Variants in DBF4B observed in about 807,000 individuals in gnomAD.
DBF4B encodes DBF4B-CDC7 kinase regulatory subunit, also known as protein DBF4 homolog B.
DBF4B carries 49 observed loss-of-function variants against 53.4 expected under a neutral mutation model. The ratio of observed to expected loss-of-function variants is 0.92; its 90% CI spans 0.73 to 1.16. The LOEUF (loss-of-function observed/expected upper bound fraction) is 1.16, where lower values mean the gene tolerates loss of function less well. Among genes scored for constraint, DBF4B ranks in the 50% most tolerant of loss-of-function variants. The pLI, the probability that DBF4B is intolerant of heterozygous loss-of-function variation, is 0.00. For missense variants in DBF4B, 692 were observed against 775.0 expected (o/e 0.89, Z 1.27); for synonymous variants, 257 against 288.7 (o/e 0.89, Z 1.11).
chr17:44,732,236 C>G lies in DBF4B; in HGVS notation c.527C>G (p.Ser176Cys). 2 of 1,614,114 alleles carry G rather than the reference C, an allele frequency of 1.2e-6. No homozygotes were observed. The highest frequency in any genetic ancestry group is 1.7e-6 in the Non-Finnish European group (2 of 1,180,010). The change falls in exon 6 of 14, where the codon TCT becomes TGT. Residue 176 changes from serine (S) to cysteine (C), a missense_variant. Ser to Cys is a moderately radical substitution (Grantham distance 112). Coordinates refer to ENST00000315005, the MANE Select transcript of DBF4B (RefSeq NM_145663.3). Reference sequence around the variant, plus strand: ...AGCAGCCTCCTGACCAATGCCCGCTCTTGGGGAGTGAGGATTCTGCACGTG... The same window carrying G: ...AGCAGCCTCCTGACCAATGCCCGCTGTTGGGGAGTGAGGATTCTGCACGTG... The part of the protein sequence containing the change: ...GSSSLLTNAR[S>C]WGVRILHVDE...
In DBF4B at chr17:44,739,067, A is replaced by G. The variant is rs542042405; in HGVS notation, c.713+643A>G. On this transcript the variant is annotated intron_variant, in intron 9 of 13. Coordinates refer to ENST00000315005, the MANE Select transcript of DBF4B (RefSeq NM_145663.3). ...TAATAAATTGCAGCCTAAGGCTAGA[A>G]TCCAGGTGTCCTGCCTACCCTGTCT... Among the ~76,000 whole-genome samples, 18 of 152,238 alleles carry G rather than the reference A, an allele frequency of 1.2e-4. No individual in the cohort carries two copies. The East Asian group carries it at 3.5e-3, about 29-fold the overall frequency.
At chr17:44,723,595 TAA>T (rs1974041634) in intron 3 of DBF4B, among the ~76,000 whole-genome samples, 1 of 151,778 alleles carries the variant, frequency 6.6e-6, no homozygotes, top group Admixed American at 6.6e-5. Flanking sequence ...CTGTCTCTAC[TAA>T]AAATAATGAA....
At chr17:44,708,895 G>A (rs1168201350) in intron 1 of DBF4B, 56 bp downstream of exon 1, 1 of 1,546,612 alleles carries the variant, frequency 6.5e-7, no homozygotes, top group Non-Finnish European at 8.7e-7. Context: ...AATAGCTGAG[G>A]CGAGGTGCGG....
chr17:44,747,447 A>G lies in DBF4B; in HGVS notation c.996A>G (p.Glu332=). ...CCCTGGAAGCCCATCTATATGCAGA[A>G]GTGGACAGGATCATTGCTCAGCTCA... The part of the protein sequence containing the change: ...SFALEAHLYA[E]VDRIIAQLSH... The change falls in exon 12 of 14, where the codon GAA becomes GAG. Residue 332 remains glutamate (E), a synonymous_variant. Coordinates refer to ENST00000315005, the MANE Select transcript of DBF4B (RefSeq NM_145663.3). 1 of 1,614,160 alleles carries G rather than the reference A, an allele frequency of 6.2e-7. No individual in the cohort carries two copies. Among genetic ancestry groups the G allele is most frequent in the Non-Finnish European group, 8.5e-7 (1 of 1,180,048 alleles).
chr17:44,744,750 T>C (rs1000818499), intron 10 of DBF4B, among the ~76,000 whole-genome samples: 3 of 152,194 alleles, frequency 2.0e-5, no homozygotes, highest in Non-Finnish European at 4.4e-5. Flanking sequence ...CTGGCAGATA[T>C]GCTGACCTCC....
At chr17:44,722,821 C>T in intron 2 of DBF4B, 59 bp from the exon 3 acceptor site, 1 of 1,596,524 alleles carries the variant, frequency 6.3e-7, no homozygotes. Context: ...GTGAGGGCCA[C>T]CTGGCTTCAG....
At chr17:44,721,765 G>A (rs965192631) in intron 2 of DBF4B, among the ~76,000 whole-genome samples, 7 of 150,954 alleles carry the variant, frequency 4.6e-5, no homozygotes, top group African/African-American at 1.5e-4. Context: ...CGTGCTGCTC[G>A]AAGGAAGATC....
chr17:44,721,027 G>A (rs777480949), intron 2 of DBF4B, among the ~76,000 whole-genome samples: 2 of 151,592 alleles, frequency 1.3e-5, no homozygotes, highest in Non-Finnish European at 2.9e-5. Flanking sequence ...CACCACGCCC[G>A]GTTATTTTTT....
In DBF4B at chr17:44,723,032, C is replaced by T. The variant is rs191587652; in HGVS notation, c.225+10C>T. The T allele has an allele frequency of 6.2e-7, 1 of 1,613,784 alleles. No individual in the cohort carries two copies. The highest frequency in any genetic ancestry group is 8.5e-7 in the Non-Finnish European group (1 of 1,179,804). On this transcript the variant is annotated intron_variant, in intron 3 of 13. Transcript: ENST00000315005. ...TCAGCAACTGGGTGGGGTAGGTAAC[C>T]TGCTCTTCTCCTGCGATGCCATGTG... is the stretch of plus-strand genomic sequence containing the variant.
chr17:44,748,474 G>C lies in DBF4B; in HGVS notation c.1189+9G>C. 3 of 1,613,852 alleles carry C rather than the reference G, an allele frequency of 1.9e-6. No homozygotes were observed. The highest frequency in any genetic ancestry group is 2.5e-6 in the Non-Finnish European group (3 of 1,179,842). ...CAGCTGCCAGGCATCAGGTATCCCA[G>C]AGCAGGATGGGACAGTGGACAGCAC... On this transcript the variant is annotated intron_variant, in intron 13 of 13. Transcript: ENST00000315005.
chr17:44,750,334 T>C (rs1567680573), intron 13 of DBF4B: 1 of 1,275,392 alleles, frequency 7.8e-7, no homozygotes, highest in Non-Finnish European at 9.9e-7. Context: ...TCTTTAAATG[T>C]TGAAGCTTCC....
intron 2 of DBF4B, among the ~76,000 whole-genome samples, chr17:44,717,583 C>A (rs893306813): frequency 6.6e-5 from 10 of 152,032 alleles, no homozygotes; most frequent in Admixed American, 5.9e-4. Flanking sequence ...GTGGCAGGCA[C>A]CTGTAATCCC....
chr17:44,730,278 C>T (rs1175293388), intron 4 of DBF4B, among the ~76,000 whole-genome samples, 182 bp downstream of exon 4: 1 of 152,184 alleles, frequency 6.6e-6, no homozygotes. Flanking sequence ...ATACTATCCC[C>T]CATGCTACCC....
intron 7 of DBF4B, among the ~76,000 whole-genome samples, chr17:44,736,410 AG>A (rs1265390463): frequency 2.6e-5 from 4 of 152,210 alleles, no homozygotes; most frequent in African/African-American, 9.7e-5. Context: ...CTAGTCCTAT[AG>A]GGTACCTGGA....
At chr17:44,727,478 G>A (rs1422141517) in intron 3 of DBF4B, among the ~76,000 whole-genome samples, 1 of 152,062 alleles carries the variant, frequency 6.6e-6, no homozygotes, top group Admixed American at 6.6e-5. Context: ...ACTAATAACT[G>A]GGGAAACTGG....
chr17:44,748,925 C>T (rs1334255305), intron 13 of DBF4B: 5 of 1,289,940 alleles, frequency 3.9e-6, no homozygotes, highest in South Asian at 1.2e-5. Context: ...GACCCCTTCC[C>T]CTGGCAGCCC....
chr17:44,727,870 T>C (rs1363432010), intron 3 of DBF4B, among the ~76,000 whole-genome samples: 49 of 131,136 alleles, frequency 3.7e-4, no homozygotes, highest in South Asian at 1.4e-3. Flanking sequence ...GGTAATTTTT[T>C]TTTTTTTTTT....
chr17:44,747,659 G>T, intron 12 of DBF4B, 144 bp downstream of exon 12: 1 of 1,207,050 alleles, frequency 8.3e-7, no homozygotes, highest in Non-Finnish European at 1.1e-6. Context: ...CTTATCCTCA[G>T]TCCTGTTTGT....
At position 44,738,425 on chromosome 17, in the gene DBF4B, G is replaced by A; in HGVS notation, c.713+1G>A. On this transcript the variant is annotated splice_donor_variant, in intron 9 of 13. Transcript: ENST00000315005. LOFTEE classifies it high-confidence loss of function. ...TCCTCAAAATCGAAGATGAAAGCAG[G>A]TGAGTGGGACCTCCTTTCTCTGCTT... 1 of 1,613,598 alleles carries A rather than the reference G, an allele frequency of 6.2e-7. No homozygotes were observed. Among genetic ancestry groups the A allele is most frequent in the Non-Finnish European group, 8.5e-7 (1 of 1,179,614 alleles).
Sources: allele counts gnomAD v4.1 joint callset (sites outside exome capture counted in the v4.1 genomes callset), GRCh38; gene constraint gnomAD v4.1.1; transcripts MANE v1.5; gene names NCBI Gene and HGNC (gene_info 2026-07-23, HGNC 2026-07-21).